SNAP91: variants seen among roughly 807,000 people sequenced by gnomAD.
The protein encoded by SNAP91 is synaptosome associated protein 91.
SNAP91 carries 27 observed loss-of-function variants against 100.3 expected under a neutral mutation model. That is an observed-to-expected ratio of 0.27 (90% CI 0.20 to 0.37). The LOEUF (loss-of-function observed/expected upper bound fraction) is 0.37, where lower values mean the gene tolerates loss of function less well. SNAP91 is among the 10% of genes least tolerant of loss of function. The pLI is 1.00. For missense variants in SNAP91, 986 were observed against 1,123.7 expected, an observed-to-expected ratio of 0.88 and a Z score of 1.75; for synonymous variants, 404 against 398.6, an observed-to-expected ratio of 1.01 and a Z score of -0.16.
intron 8 of SNAP91, among the ~76,000 whole-genome samples, chr6:83,625,528 G>C (rs944718421): frequency 2.0e-5 from 3 of 152,020 alleles, no homozygotes; most frequent in Admixed American, 6.6e-5. Flanking sequence ...CCTTTTCTCT[G>C]CAGCCTTGCC....
rs757720878 is a variant in SNAP91 at position 83,594,441 on chromosome 6, G to A, written c.1365C>T (p.Ser455=). The A allele has an allele frequency of 4.5e-6, 7 of 1,551,138 alleles. No homozygotes were observed. The highest frequency in any genetic ancestry group is 3.6e-5 in the South Asian group (3 of 83,928). ...AASPGEAPAA[S]EGAAAPATPT... ...GGGTAGCTGGTGCGGCGGCCCCTTC[G>A]GATGCTGCAGGGGCCTCCCCAGGAG... The change falls in exon 17 of 30, where the codon TCC becomes TCT. Residue 455 remains serine (S), a synonymous_variant. Coordinates refer to ENST00000369694, the MANE Select transcript of SNAP91 (RefSeq NM_001242792.2).
At chr6:83,575,529 C>A in intron 25 of SNAP91, 1 of 245,070 alleles carries the variant, frequency 4.1e-6, no homozygotes, top group Non-Finnish European at 7.7e-6. Context: ...GAATGTTTCA[C>A]ACAACTGTAT....
Position 83,680,018 on chromosome 6 carries a change from A to C in SNAP91, c.131-14437T>G, listed in dbSNP as rs192849797. Among the ~76,000 whole-genome samples, 51 of 152,284 alleles carry C rather than the reference A, an allele frequency of 3.3e-4. 1 individual carries two copies. The highest frequency in any genetic ancestry group is 3.1e-3 in the Admixed American group (48 of 15,288). ...ACTCAATTATTAACAGCTCTTTATAAGGACACCTCTTAATATCTCTTTATA... is the reference window on the plus strand; with the variant it reads ...ACTCAATTATTAACAGCTCTTTATACGGACACCTCTTAATATCTCTTTATA... On this transcript the variant is annotated intron_variant, in intron 2 of 29. Coordinates refer to ENST00000369694, the MANE Select transcript of SNAP91 (RefSeq NM_001242792.2).
At chr6:83,587,099 C>A (rs985089529) in intron 22 of SNAP91, among the ~76,000 whole-genome samples, 2 of 152,096 alleles carry the variant, frequency 1.3e-5, no homozygotes, top group African/African-American at 4.8e-5. Context: ...TCTTTGTTTT[C>A]AAGTTTCAAA....
At chr6:83,691,255 A>C (rs1320450243) in intron 2 of SNAP91, among the ~76,000 whole-genome samples, 1 of 152,148 alleles carries the variant, frequency 6.6e-6, no homozygotes, top group Non-Finnish European at 1.5e-5. Flanking sequence ...GTTAGCTATA[A>C]GGACTAAACT....
At chr6:83,708,665 C>T (rs1193178856) in intron 1 of SNAP91, 180 bp downstream of exon 1, 2 of 152,292 alleles carry the variant, frequency 1.3e-5, no homozygotes, top group Non-Finnish European at 2.9e-5. Flanking sequence ...GGCGCCTCAC[C>T]CTTCCTGGCT....
At chr6:83,649,768 T>C (rs1438423501) in intron 7 of SNAP91, among the ~76,000 whole-genome samples, 3 of 151,808 alleles carry the variant, frequency 2.0e-5, no homozygotes, top group Non-Finnish European at 4.4e-5. Context: ...TCGTTATTTT[T>C]AGTAGAGATG....
Position 83,591,285 on chromosome 6 carries a change from C to T in SNAP91, c.1940G>A (p.Gly647Glu), listed in dbSNP as rs2128190226. Reference protein sequence around the residue: ...GVIDLFGDAFGSSASEPQPAS... With the variant: ...GVIDLFGDAFESSASEPQPAS... ...AGGTTGGGGTTCAGAAGCACTACTT[C>T]CAAATGCATCTATCCGTTATCCATT... is the stretch of plus-strand genomic sequence containing the variant. Residue 647 changes from glycine (G) to glutamate (E), a missense_variant, in exon 22 of 30, where the codon GGA (glycine) becomes GAA (glutamate). Gly to Glu is a moderately conservative substitution (Grantham distance 98). This residue lies in a region of SNAP91 where 575 missense variants were observed against 579.9 expected (regional missense o/e 0.99). Coordinates refer to ENST00000369694, the MANE Select transcript of SNAP91 (RefSeq NM_001242792.2). 1 of 1,609,582 alleles carries T rather than the reference C, an allele frequency of 6.2e-7. No homozygotes were observed. The highest frequency in any genetic ancestry group is 8.5e-7 in the Non-Finnish European group (1 of 1,176,024).
chr6:83,680,063 A>G (rs1210498338), intron 2 of SNAP91, among the ~76,000 whole-genome samples: 2 of 152,174 alleles, frequency 1.3e-5, no homozygotes, highest in African/African-American at 4.8e-5. Flanking sequence ...GCTAAAAGCA[A>G]CTCAGTCAAA....
chr6:83,628,614 A>G (rs994556896), intron 8 of SNAP91, among the ~76,000 whole-genome samples: 1 of 151,258 alleles, frequency 6.6e-6, no homozygotes, highest in African/African-American at 2.4e-5. Context: ...CATTTCCCTG[A>G]TCGTTAGTGA....
intron 10 of SNAP91, among the ~76,000 whole-genome samples, 164 bp downstream of exon 10, chr6:83,616,805 T>C (rs2096509429): frequency 6.6e-6 from 1 of 152,166 alleles, no homozygotes; most frequent in Non-Finnish European, 1.5e-5. Flanking sequence ...ATACCCACTG[T>C]CATAAGTTAA....
chr6:83,598,270 T>C (rs116235407), intron 16 of SNAP91, among the ~76,000 whole-genome samples: 1 of 152,146 alleles, frequency 6.6e-6, no homozygotes, highest in Non-Finnish European at 1.5e-5. Context: ...TGCATGATCA[T>C]AAAAAGAAGA....
chr6:83,611,098 A>C (rs2128310720), intron 11 of SNAP91, among the ~76,000 whole-genome samples: 1 of 152,048 alleles, frequency 6.6e-6, no homozygotes, highest in South Asian at 2.1e-4. Flanking sequence ...AAACCCCAAC[A>C]CCCAGTGGTT....
At chr6:83,580,669 A>G in intron 23 of SNAP91, 70 bp from the exon 24 acceptor site, 1 of 1,410,746 alleles carries the variant, frequency 7.1e-7, no homozygotes, top group Non-Finnish European at 9.6e-7. Context: ...ATTAAAGTAA[A>G]ACTCTCTTTT....
chr6:83,594,543 A>G, intron 16 of SNAP91, 62 bp from the exon 17 acceptor site: 1 of 1,048,840 alleles, frequency 9.5e-7, no homozygotes. Flanking sequence ...AAATACAGTA[A>G]AAGAACCAAG....
chr6:83,584,812 G>A (rs2092081737), intron 22 of SNAP91, among the ~76,000 whole-genome samples: 1 of 151,836 alleles, frequency 6.6e-6, no homozygotes, highest in Non-Finnish European at 1.5e-5. Context: ...GCAGATCCAG[G>A]ATTCCAAACA....
intron 6 of SNAP91, among the ~76,000 whole-genome samples, chr6:83,657,101 T>C (rs1279598004): frequency 6.6e-6 from 1 of 152,230 alleles, no homozygotes. Context: ...ATTATATATA[T>C]ATGTGTTTAT....
chr6:83,588,898 C>T (rs76693611), intron 22 of SNAP91, among the ~76,000 whole-genome samples: 6,562 of 152,106 alleles, frequency 0.043, 474 homozygotes, highest in African/African-American at 0.15. Flanking sequence ...AGTGGCTGAC[C>T]GCTCTGCCAG....
intron 2 of SNAP91, among the ~76,000 whole-genome samples, chr6:83,668,135 A>G (rs972903487): frequency 1.3e-5 from 2 of 152,188 alleles, no homozygotes; most frequent in Non-Finnish European, 2.9e-5. Flanking sequence ...ATGAGATACC[A>G]TCTCACACCA....
Sources: gnomAD v4.1 joint callset for allele counts (sites outside exome capture counted in the v4.1 genomes callset) on GRCh38, gnomAD v4.1.1 for gene constraint, gnomAD v4.1.1 regional missense constraint, MANE v1.5 for transcripts, NCBI Gene and HGNC (gene_info 2026-07-23, HGNC 2026-07-21) for gene names.